The following RBFOX1 variants were observed in gnomAD, a reference collection of about 807,000 sequenced individuals.
The protein encoded by RBFOX1 is RNA binding fox-1 homolog 1.
In RBFOX1, 8 loss-of-function variants were observed where a neutral mutation model predicts 57.7. That is an observed-to-expected ratio of 0.14 (90% CI 0.08 to 0.25). RBFOX1 has a LOEUF of 0.25. RBFOX1 is among the 10% of genes least tolerant of loss of function. RBFOX1 has a pLI of 1.00. For missense variants in RBFOX1, 611 were observed against 548.5 expected (o/e 1.11, Z -1.14); for synonymous variants, 326 against 222.4 (o/e 1.47, Z -4.15).
intron 3 of RBFOX1, chr16:7,004,241 G>C (rs754570280): frequency 1.3e-5 from 2 of 152,094 alleles, no homozygotes; most frequent in African/African-American, 2.4e-5. Context: ...CTTATGCATA[G>C]AAGAATATAT....
At chr16:6,819,705 CAAAAAAAAAAAAAAA>C (rs1181614275) in intron 3 of RBFOX1, among the ~76,000 whole-genome samples, 2 of 20,626 alleles carry the variant, frequency 9.7e-5, no homozygotes, top group Non-Finnish European at 1.6e-4. Flanking sequence ...AACTCTGACT[CAAAAAAAAAAAAAAA>C]AAAAAAAAAA....
At chr16:6,767,613 A>G (rs1268369951) in intron 3 of RBFOX1, among the ~76,000 whole-genome samples, 1 of 152,106 alleles carries the variant, frequency 6.6e-6, no homozygotes, top group Non-Finnish European at 1.5e-5. Flanking sequence ...CAAAGAACTC[A>G]TCCCTAAGAA....
chr16:7,568,662 G>A (rs2092403045), intron 5 of RBFOX1, among the ~76,000 whole-genome samples: 1 of 151,936 alleles, frequency 6.6e-6, no homozygotes, highest in Non-Finnish European at 1.5e-5. Flanking sequence ...GAGGCAGGTG[G>A]ATCATGAGGT....
chr16:6,690,367 C>G (rs913574688), intron 3 of RBFOX1, among the ~76,000 whole-genome samples: 3 of 152,134 alleles, frequency 2.0e-5, no homozygotes, highest in African/African-American at 7.2e-5. Context: ...AGATAATTCA[C>G]AGATCCATTC....
intron 4 of RBFOX1, among the ~76,000 whole-genome samples, chr16:7,155,977 T>C (rs1230793357): frequency 3.3e-5 from 5 of 151,422 alleles, no homozygotes; most frequent in African/African-American, 9.7e-5. Flanking sequence ...AACTATGTAA[T>C]ATACAGATAT....
At chr16:5,757,931 C>T (rs2053458165) in intron 3 of RBFOX1, among the ~76,000 whole-genome samples, 1 of 152,206 alleles carries the variant, frequency 6.6e-6, no homozygotes, top group Non-Finnish European at 1.5e-5. Context: ...CGCTGGTCAT[C>T]ACCACTGTAG....
intron 3 of RBFOX1, among the ~76,000 whole-genome samples, chr16:6,982,312 T>G (rs184778609): frequency 6.6e-6 from 1 of 152,234 alleles, no homozygotes; most frequent in Non-Finnish European, 1.5e-5. Context: ...TTTTGATCTT[T>G]ACAGAAACCC....
chr16:6,487,681 AAAAAAAAAAAAAAAAAAAAATAT>A (rs2095517717), intron 2 of RBFOX1, among the ~76,000 whole-genome samples: 2 of 9,608 alleles, frequency 2.1e-4, no homozygotes, highest in African/African-American at 5.8e-4. Flanking sequence ...TGTAAAAAAA[AAAAAAAAAAAAAAAAAAAAATAT>A]ATATATATAT....
chr16:6,155,672 C>T (rs1040602365), intron 1 of RBFOX1, among the ~76,000 whole-genome samples: 2 of 152,174 alleles, frequency 1.3e-5, no homozygotes, highest in African/African-American at 4.8e-5. Flanking sequence ...CAACTCTTAA[C>T]TCCGAGTACA....
At chr16:6,268,702 G>C (rs542984098) in intron 1 of RBFOX1, among the ~76,000 whole-genome samples, 4 of 152,192 alleles carry the variant, frequency 2.6e-5, no homozygotes, top group Middle Eastern at 3.2e-3. Context: ...TCAGGTGTTT[G>C]TTCTTAGGGA....
At chr16:6,307,690 TG>T (rs1354042057) in intron 1 of RBFOX1, among the ~76,000 whole-genome samples, 1 of 147,522 alleles carries the variant, frequency 6.8e-6, no homozygotes, top group Non-Finnish European at 1.5e-5. Flanking sequence ...TTTTTATAAA[TG>T]ATAATCATTT....
intron 1 of RBFOX1, among the ~76,000 whole-genome samples, chr16:6,111,155 A>G (rs1232185656): frequency 1.3e-5 from 2 of 152,170 alleles, no homozygotes; most frequent in South Asian, 4.1e-4. Context: ...AAAAATGGCA[A>G]TACAAGAATG....
chr16:6,425,506 A>G (rs1280504866), intron 2 of RBFOX1, among the ~76,000 whole-genome samples: 4 of 152,204 alleles, frequency 2.6e-5, no homozygotes, highest in African/African-American at 7.2e-5. Flanking sequence ...TATAAGGGTC[A>G]GTCTTATAGG....
At chr16:5,650,341 T>C (rs1023515942) in intron 3 of RBFOX1, among the ~76,000 whole-genome samples, 8 of 144,900 alleles carry the variant, frequency 5.5e-5, no homozygotes, top group African/African-American at 7.5e-5. Context: ...GTGGTGGTGG[T>C]GGTGGTGGTG....
intron 3 of RBFOX1, among the ~76,000 whole-genome samples, chr16:5,749,744 G>C (rs1314188503): frequency 6.6e-6 from 1 of 152,078 alleles, no homozygotes; most frequent in Non-Finnish European, 1.5e-5. Context: ...TCTCTACACT[G>C]GTTATTCTAG....
chr16:6,808,546 A>T (rs1456906142), intron 3 of RBFOX1, among the ~76,000 whole-genome samples: 1 of 152,124 alleles, frequency 6.6e-6, no homozygotes, highest in Non-Finnish European at 1.5e-5. Flanking sequence ...TTGCATACTC[A>T]ACAAACATTG....
intron 2 of RBFOX1, among the ~76,000 whole-genome samples, chr16:5,576,651 G>A (rs1040653350): frequency 6.6e-5 from 10 of 152,216 alleles, no homozygotes; most frequent in Non-Finnish European, 1.3e-4. Context: ...TGGAGGTATG[G>A]CAGGAATGCC....
chr16:6,346,605 C>T (rs1025865356), intron 2 of RBFOX1, among the ~76,000 whole-genome samples: 4 of 152,330 alleles, frequency 2.6e-5, no homozygotes, highest in Admixed American at 1.3e-4. Flanking sequence ...TGAAACTCTT[C>T]TGGTTCCGAT....
At chr16:6,457,307 G>T (rs2094797371) in intron 2 of RBFOX1, among the ~76,000 whole-genome samples, 3 of 152,030 alleles carry the variant, frequency 2.0e-5, no homozygotes, top group African/African-American at 4.8e-5. Flanking sequence ...GTGGCCATAG[G>T]GTCCCTTGCC....
Sources: gnomAD v4.1 joint callset for allele counts (sites outside exome capture counted in the v4.1 genomes callset) on GRCh38, gnomAD v4.1.1 for gene constraint, MANE v1.5 for transcripts, NCBI Gene and HGNC (gene_info 2026-07-23, HGNC 2026-07-21) for gene names.